Variants in HMCN1 observed in about 807,000 individuals in gnomAD.
The protein encoded by HMCN1 is hemicentin-1.
Under a neutral mutation model 625.9 loss-of-function variants are expected in HMCN1, and 321 were observed. The observed-to-expected ratio is 0.51, with a 90% confidence interval of 0.47 to 0.56. The LOEUF (loss-of-function observed/expected upper bound fraction) is 0.56, where lower values mean the gene tolerates loss of function less well. Ranked by LOEUF, HMCN1 falls within the 20% of genes least tolerant of loss-of-function variation. The pLI is 0.00. For synonymous variants in HMCN1, 2,425 were observed against 2,417.6 expected (o/e 1.00, Z -0.09); for missense variants, 6,588 against 6,887.3 (o/e 0.96, Z 1.54).
chr1:185,864,432 G>T, intron 2 of HMCN1, 38 bp from the exon 3 acceptor site: 1 of 1,601,314 alleles, frequency 6.2e-7, no homozygotes, highest in Non-Finnish European at 8.6e-7. Flanking sequence ...AATTGTTTTT[G>T]ATGATGACGT....
chr1:186,006,927 C>A (rs1375425746), intron 29 of HMCN1, among the ~76,000 whole-genome samples: 1 of 151,890 alleles, frequency 6.6e-6, no homozygotes, highest in Admixed American at 6.6e-5. Context: ...CTTTTCATCT[C>A]AAAGAGATAT....
intron 9 of HMCN1, among the ~76,000 whole-genome samples, chr1:185,926,887 C>G (rs1319270242): frequency 6.6e-6 from 1 of 152,172 alleles, no homozygotes; most frequent in East Asian, 1.9e-4. Flanking sequence ...ATTCCAAAGT[C>G]TACCCTTCAA....
Position 185,984,325 on chromosome 1 carries a change from AC to A in HMCN1, c.2935+15del. ...TGTGGTTGTGCATGGTAAGAGACAC[AC>A]CCAATGTTATTGTTTCGAAACTGTG... is the stretch of plus-strand genomic sequence containing the variant. On this transcript the variant is annotated intron_variant, in intron 19 of 106. Coordinates refer to ENST00000271588, the MANE Select transcript of HMCN1 (RefSeq NM_031935.3). 3 of 1,613,654 alleles carry A rather than the reference AC, an allele frequency of 1.9e-6. No individual in the cohort carries two copies. The highest frequency in any genetic ancestry group is 2.5e-6 in the Non-Finnish European group (3 of 1,179,660).
At chr1:186,158,173 G>C (rs1164156922) in intron 97 of HMCN1, among the ~76,000 whole-genome samples, 1 of 149,986 alleles carries the variant, frequency 6.7e-6, no homozygotes, top group African/African-American at 2.5e-5. Flanking sequence ...GTTTTGATTT[G>C]CATTTCTCTG....
At chr1:185,959,649 G>C (rs1164860930) in intron 11 of HMCN1, among the ~76,000 whole-genome samples, 1 of 152,054 alleles carries the variant, frequency 6.6e-6, no homozygotes, top group Non-Finnish European at 1.5e-5. Flanking sequence ...TGGTGGTGGT[G>C]GTGGTGATGA....
At chr1:185,863,179 A>G (rs1662978082) in intron 2 of HMCN1, among the ~76,000 whole-genome samples, 1 of 152,184 alleles carries the variant, frequency 6.6e-6, no homozygotes, top group Non-Finnish European at 1.5e-5. Flanking sequence ...TCTTTCTGAG[A>G]AAGAGCTCTT....
intron 82 of HMCN1, 82 bp downstream of exon 82, chr1:186,125,876 A>G (rs905876047): frequency 5.2e-6 from 5 of 960,668 alleles, no homozygotes; most frequent in Non-Finnish European, 7.8e-6. Context: ...GCATGGAAGT[A>G]TATTCTTTAA....
chr1:185,784,655 G>T (rs1201956052), intron 1 of HMCN1, among the ~76,000 whole-genome samples: 1 of 152,152 alleles, frequency 6.6e-6, no homozygotes, highest in Non-Finnish European at 1.5e-5. Flanking sequence ...CACTGTCATG[G>T]TAGGGAGGCC....
intron 97 of HMCN1, among the ~76,000 whole-genome samples, chr1:186,160,163 C>T (rs1227894214): frequency 1.3e-5 from 2 of 150,846 alleles, no homozygotes; most frequent in African/African-American, 4.9e-5. Flanking sequence ...GTGTATGTGT[C>T]CAGGAATTTA....
chr1:185,762,417 T>C (rs1055365224), intron 1 of HMCN1, among the ~76,000 whole-genome samples: 20 of 152,206 alleles, frequency 1.3e-4, no homozygotes, highest in Non-Finnish European at 2.4e-4. Flanking sequence ...AAAATATGAC[T>C]TGGACCCTGC....
intron 6 of HMCN1, among the ~76,000 whole-genome samples, chr1:185,918,697 C>G (rs1666852246): frequency 6.6e-6 from 1 of 152,182 alleles, no homozygotes. Context: ...CCCTTCACAA[C>G]TTAATGAACG....
rs1346791146 is a variant in HMCN1 at position 186,144,551 on chromosome 1, C to A, written c.14114C>A (p.Thr4705Asn). The A allele has an allele frequency of 2.5e-6, 4 of 1,614,058 alleles. No individual in the cohort carries two copies. The highest frequency in any genetic ancestry group is 3.4e-6 in the Non-Finnish European group (4 of 1,179,998). The change falls in exon 91 of 107, where the codon ACT becomes AAT. Residue 4705 changes from threonine to asparagine, a missense_variant. Transcript: ENST00000271588. ...RNCPIHGKWA[T>N]WASWSACSVS... ...ATTCCAGTTCATGGCAAGTGGGCGA[C>A]TTGGGCCAGTTGGAGTGCCTGTTCT...
chr1:185,830,256 A>G (rs1273857513), intron 1 of HMCN1, among the ~76,000 whole-genome samples: 1 of 151,838 alleles, frequency 6.6e-6, no homozygotes, highest in Non-Finnish European at 1.5e-5. Flanking sequence ...GTTTAATTAG[A>G]TATCATGTGT....
intron 1 of HMCN1, among the ~76,000 whole-genome samples, chr1:185,803,217 A>T (rs748707575): frequency 0.032 from 4,370 of 135,072 alleles, 262 homozygotes; most frequent in African/African-American, 0.15. Flanking sequence ...AAAAAAAAAA[A>T]AAAAAACAAA....
At chr1:185,980,019 C>T (rs2101996349) in intron 16 of HMCN1, among the ~76,000 whole-genome samples, 1 of 152,234 alleles carries the variant, frequency 6.6e-6, no homozygotes, top group Non-Finnish European at 1.5e-5. Context: ...TAGTCCCCAT[C>T]CTCATGGCTC....
At chr1:185,803,051 C>T (rs896510857) in intron 1 of HMCN1, among the ~76,000 whole-genome samples, 8 of 151,382 alleles carry the variant, frequency 5.3e-5, no homozygotes, top group South Asian at 2.1e-4. Flanking sequence ...TCCTAGAATC[C>T]GAATGCTTAT....
At chr1:185,880,948 G>T (rs1039234782) in intron 4 of HMCN1, among the ~76,000 whole-genome samples, 2 of 152,264 alleles carry the variant, frequency 1.3e-5, no homozygotes, top group Non-Finnish European at 2.9e-5. Flanking sequence ...AGGTGAGCAT[G>T]TGCAGGAGCC....
At chr1:186,056,071 C>A (rs1254938245) in intron 45 of HMCN1, among the ~76,000 whole-genome samples, 1 of 151,962 alleles carries the variant, frequency 6.6e-6, no homozygotes, top group Non-Finnish European at 1.5e-5. Context: ...ATACTGAAGT[C>A]AGCTTTAATA....
chr1:186,120,115 G>C lies in HMCN1; in HGVS notation c.12199G>C (p.Ala4067Pro). ...TGTGGCCCAGAACCCGGCTGGTACA[G>C]CCTTGGGCAAAATCAAGTTAAATGT... ...MCVAQNPAGT[A>P]LGKIKLNVQV... Residue 4067 changes from alanine (A) to proline (P), a missense_variant, in exon 80 of 107, where the codon GCC (alanine) becomes CCC (proline). Ala to Pro is a conservative substitution (Grantham distance 27). Around this residue, in one of 3 missense-constraint regions of HMCN1, gnomAD observed 1,954 missense variants for 2,013.1 expected, o/e 0.97. Transcript: ENST00000271588. The C allele has an allele frequency of 6.2e-7, 1 of 1,613,958 alleles. No homozygotes were observed. The highest frequency in any genetic ancestry group is 8.5e-7 in the Non-Finnish European group (1 of 1,179,946).
Sources: allele counts gnomAD v4.1 joint callset (sites outside exome capture counted in the v4.1 genomes callset), GRCh38; gene constraint gnomAD v4.1.1; regional missense constraint gnomAD v4.1.1; transcripts MANE v1.5; gene names NCBI Gene and HGNC (gene_info 2026-07-23, HGNC 2026-07-21).